Variants in TLE6 observed in about 807,000 individuals in gnomAD.
TLE6 encodes transducin-like enhancer protein 6.
In TLE6, 72 loss-of-function variants were observed where a neutral mutation model predicts 77.1. The ratio of observed to expected loss-of-function variants is 0.93; its 90% CI spans 0.77 to 1.14. The LOEUF is 1.14. TLE6 is among the 50% of genes most tolerant of loss of function. The pLI is 0.00. For missense variants in TLE6, 843 were observed against 747.6 expected, an observed-to-expected ratio of 1.13 and a Z score of -1.49; for synonymous variants, 366 against 287.3, an observed-to-expected ratio of 1.27 and a Z score of -2.77.
At chr19:2,988,287 A>G (rs1440920786) in intron 11 of TLE6, among the ~76,000 whole-genome samples, 159 bp downstream of exon 11, 1 of 152,152 alleles carries the variant, frequency 6.6e-6, no homozygotes, top group Non-Finnish European at 1.5e-5. Context: ...CAGCCGCTGC[A>G]GAGGCTGGGT....
At position 2,981,599 on chromosome 19, in the gene TLE6, G is replaced by A. The variant is rs1212347510; in HGVS notation, c.180+16G>A. 6.4e-7 allele frequency: 1 copy of A among 1,551,442 alleles called. No individual in the cohort carries two copies. The highest frequency in any genetic ancestry group is 8.7e-7 in the Non-Finnish European group (1 of 1,146,890). On this transcript the variant is annotated intron_variant, in intron 4 of 16. Transcript: ENST00000246112. The stretch of plus-strand genomic sequence containing the variant: ...TTACTACTCGGTGAGCCAGACCCAG[G>A]CAGCCCCAACCAAGGAGGGCCCCAC...
At chr19:2,981,392 C>G (rs1248652070) in intron 3 of TLE6, 146 bp from the exon 4 acceptor site, 1 of 673,410 alleles carries the variant, frequency 1.5e-6, no homozygotes, top group African/African-American at 1.9e-5. Context: ...TCTTACTGAA[C>G]TTCTTGACAC....
intron 2 of TLE6, 142 bp downstream of exon 2, chr19:2,978,426 C>T: frequency 6.3e-6 from 5 of 798,770 alleles, no homozygotes; most frequent in Non-Finnish European, 8.1e-6. Flanking sequence ...ACACTCAAGA[C>T]AGGTGCCAAG....
At chr19:2,989,457 G>C in intron 12 of TLE6, 78 bp from the exon 13 acceptor site, 1 of 1,570,894 alleles carries the variant, frequency 6.4e-7, no homozygotes, top group African/African-American at 1.4e-5. Flanking sequence ...ATGAATAGGA[G>C]TTCGCTCTCA....
At chr19:2,987,852 T>A in intron 9 of TLE6, 46 bp from the exon 10 acceptor site, 1 of 1,613,506 alleles carries the variant, frequency 6.2e-7, no homozygotes, top group Non-Finnish European at 8.5e-7. Context: ...CATCCTGTGC[T>A]GAGGAGCCAA....
intron 14 of TLE6, among the ~76,000 whole-genome samples, chr19:2,993,142 G>T (rs1305365739): frequency 6.6e-6 from 1 of 151,802 alleles, no homozygotes; most frequent in East Asian, 1.9e-4. Context: ...ACCCCAGGAG[G>T]CAGACGTTGT....
rs148959062 is a variant in TLE6, at chr19:2,982,700, G to A, written c.222+511G>A. ...CAGAGGAGGGACATGCCCTGACTTGGAAGCCCCCGTGATATTAGTGGAGGC... is the reference window on the plus strand; with the variant it reads ...CAGAGGAGGGACATGCCCTGACTTGAAAGCCCCCGTGATATTAGTGGAGGC... On this transcript the variant is annotated intron_variant, in intron 5 of 16. Transcript: ENST00000246112. Among the ~76,000 whole-genome samples the A allele has an allele frequency of 2.5e-3, 378 of 152,146 alleles. 1 individual carries two copies. The highest frequency in any genetic ancestry group is 3.8e-3 in the Non-Finnish European group (256 of 67,974).
At chr19:2,978,166 C>T (rs778588684) in intron 1 of TLE6, 32 bp from the exon 2 acceptor site, 1 of 1,505,226 alleles carries the variant, frequency 6.6e-7, no homozygotes, top group Non-Finnish European at 9.0e-7. Context: ...ATTTTCTGTC[C>T]CTCAAGACCT....
chr19:2,982,211 G>A (rs545954376), intron 5 of TLE6, 22 bp downstream of exon 5: 4 of 1,551,060 alleles, frequency 2.6e-6, no homozygotes, highest in Non-Finnish European at 3.5e-6. Context: ...GGAGCTCAGG[G>A]GTGCGGCTGT....
In TLE6 at chr19:2,991,183, T is replaced by C. The variant is rs896989085; in HGVS notation, c.1245-660T>C. Among the ~76,000 whole-genome samples, 3 of 149,720 alleles carry C rather than the reference T, an allele frequency of 2.0e-5. No homozygotes were observed. In the East Asian group the frequency reaches 5.9e-4, roughly 30 times the overall value. On this transcript the variant is annotated intron_variant, in intron 13 of 16. Transcript: ENST00000246112. ...GTTTGAGACCAGGCTAACATGGAGATACCCCATCTCTACTAAAAATACAAA... is the reference window on the plus strand; with the variant it reads ...GTTTGAGACCAGGCTAACATGGAGACACCCCATCTCTACTAAAAATACAAA...
At chr19:2,993,942 A>AG in intron 15 of TLE6, 77 bp from the exon 16 acceptor site, 1 of 810,054 alleles carries the variant, frequency 1.2e-6, no homozygotes, top group Non-Finnish European at 1.9e-6. Flanking sequence ...AAAAAAAAAA[A>AG]GGTGGGTGGG....
rs900598156 is a variant in TLE6 at position 2,978,305 on chromosome 19, G to C, written c.51+21G>C. ...CTTCGGTGAGGAGGGCATGTGGTGG[G>C]ATCAGCCCTCAAGGGAAACCCGGGC... is the stretch of plus-strand genomic sequence containing the variant. On this transcript the variant is annotated intron_variant, in intron 2 of 16. Coordinates refer to ENST00000246112, the MANE Select transcript of TLE6 (RefSeq NM_001143986.2). The C allele has an allele frequency of 7.7e-6, 12 of 1,550,864 alleles. No individual in the cohort carries two copies. In the African/African-American group the frequency reaches 1.6e-4, roughly 21 times the overall value.
chr19:2,987,375 G>T lies in TLE6; in HGVS notation c.558+3G>T. ...TGACAGAGCAGGCACCAGGCCTGGT[G>T]AGTAAACAACCTCAGCTCTATCCAG... On this transcript the variant is annotated splice_donor_region_variant and intron_variant, in intron 8 of 16. Coordinates refer to ENST00000246112, the MANE Select transcript of TLE6 (RefSeq NM_001143986.2). 6.2e-7 allele frequency: 1 copy of T among 1,613,778 alleles called. No homozygotes were observed. The highest frequency in any genetic ancestry group is 8.5e-7 in the Non-Finnish European group (1 of 1,180,022).
intron 15 of TLE6, 22 bp downstream of exon 15, chr19:2,993,604 A>AG: frequency 2.0e-6 from 3 of 1,538,036 alleles, no homozygotes; most frequent in Non-Finnish European, 1.8e-6. Context: ...GCGGAAGATG[A>AG]GGGGACTCCC....
At position 2,988,185 on chromosome 19, in the gene TLE6, C is replaced by T. The variant is rs114903067; in HGVS notation, c.740+57C>T. 3,238 of 1,507,112 alleles carry T rather than the reference C, an allele frequency of 2.1e-3. 65 individuals carry two copies. In the African/African-American group the frequency reaches 0.039, roughly 18 times the overall value. The allele number at this position is 1,507,112 out of a possible 1,614,324, so 93.4% of individuals were successfully genotyped here. Reference sequence around the variant, plus strand: ...GGTGAGGGGCAGCGGGAATTCCTTCCTGTCTATACCTCTGTTCCCGACACA... The same window carrying T: ...GGTGAGGGGCAGCGGGAATTCCTTCTTGTCTATACCTCTGTTCCCGACACA... On this transcript the variant is annotated intron_variant, in intron 11 of 16. Transcript: ENST00000246112.
Position 2,989,243 on chromosome 19 carries a change from G to A in TLE6, c.923G>A (p.Gly308Asp), listed in dbSNP as rs1422248158. Residue 308 changes from glycine (G) to aspartate (D), a missense_variant, in exon 12 of 17, where the codon GGC becomes GAC. Physicochemically the swap from Gly to Asp is moderately conservative, Grantham distance 94. Transcript: ENST00000246112. The part of the protein sequence containing the change: ...TRHVFTCGRR[G>D]IKVWSLTGQV... Reference sequence around the variant, plus strand: ...CACGTGTTCACCTGTGGCAGAAGAGGCATCAAGGTGTGGAGCCTGACTGGA... The same window carrying A: ...CACGTGTTCACCTGTGGCAGAAGAGACATCAAGGTGTGGAGCCTGACTGGA... 6.2e-7 allele frequency: 1 copy of A among 1,613,982 alleles called. No homozygotes were observed. The highest frequency in any genetic ancestry group is 8.5e-7 in the Non-Finnish European group (1 of 1,180,046).
chr19:2,991,383 T>TACACACACAC (rs778438599), intron 13 of TLE6, among the ~76,000 whole-genome samples: 11 of 103,468 alleles, frequency 1.1e-4, no homozygotes, highest in African/African-American at 5.4e-4. Flanking sequence ...TACGTATATA[T>TACACACACAC]ATATATATAT....
chr19:2,994,168 C>T (rs2089155726), intron 16 of TLE6, 73 bp downstream of exon 16: 4 of 1,324,106 alleles, frequency 3.0e-6, no homozygotes, highest in Non-Finnish European at 4.2e-6. Context: ...CAGCAAGACC[C>T]TGTCTCCACA....
chr19:2,984,299 G>A (rs2088860346), intron 5 of TLE6: 1 of 151,786 alleles, frequency 6.6e-6, no homozygotes. Context: ...GCTCAGCTGG[G>A]AAATCCATCA....
Sources: allele counts gnomAD v4.1 joint callset (sites outside exome capture counted in the v4.1 genomes callset), GRCh38; gene constraint gnomAD v4.1.1; transcripts MANE v1.5; gene names NCBI Gene and HGNC (gene_info 2026-07-23, HGNC 2026-07-21).